The following ACOT13 variants were observed in gnomAD, a reference collection of about 807,000 sequenced individuals.
ACOT13 encodes acyl-coenzyme A thioesterase 13.
Under a neutral mutation model 11.8 loss-of-function variants are expected in ACOT13, and 10 were observed. That is an observed-to-expected ratio of 0.85 (90% confidence interval 0.53 to 1.44). ACOT13 has a LOEUF of 1.44. Among genes scored for constraint, ACOT13 ranks in the 40% most tolerant of loss-of-function variants. The probability of loss-of-function intolerance (pLI) is 0.00; values close to 1 mark genes in which losing one functional copy is unlikely to be tolerated. For missense variants in ACOT13, 172 were observed against 174.1 expected (o/e 0.99, Z 0.07); for synonymous variants, 53 against 61.0 (o/e 0.87, Z 0.61).
chr6:24,669,453 G>A (rs2127620495), intron 1 of ACOT13, among the ~76,000 whole-genome samples: 1 of 152,296 alleles, frequency 6.6e-6, no homozygotes, highest in African/African-American at 2.4e-5. Flanking sequence ...AATAGAATGG[G>A]AGGCAAGTTT....
intron 1 of ACOT13, among the ~76,000 whole-genome samples, chr6:24,683,571 G>C (rs1778587102): frequency 6.6e-6 from 1 of 150,440 alleles, no homozygotes; most frequent in Non-Finnish European, 1.5e-5. Context: ...TGCCAAGGTT[G>C]GTTCTGATGA....
rs978368356 is a variant in ACOT13, at chr6:24,679,735, T to C, written c.81+12391T>C. On this transcript the variant is annotated intron_variant, in intron 1 of 2. Transcript: ENST00000230048. Reference sequence around the variant, plus strand: ...GATCACCAAACTCTTCGGGCTGCAGTTATGGCGACACTTCTCTCATTTGGG... The same window carrying C: ...GATCACCAAACTCTTCGGGCTGCAGCTATGGCGACACTTCTCTCATTTGGG... Among the ~76,000 whole-genome samples the C allele has an allele frequency of 3.9e-5, 6 of 152,338 alleles. No homozygotes were observed. The East Asian group carries it at 9.6e-4, about 24-fold the overall frequency.
Position 24,697,910 on chromosome 6 carries a change from A to G in ACOT13, c.109A>G (p.Lys37Glu). Residue 37 changes from lysine to glutamate, a missense_variant, in exon 2 of 3, where the codon AAA (lysine) becomes GAA (glutamate). Coordinates refer to ENST00000230048, the MANE Select transcript of ACOT13 (RefSeq NM_018473.4). ...KITLVSAAPG[K>E]VICEMKVEEE... The stretch of plus-strand genomic sequence containing the variant: ...TACTCTTGTCTCTGCTGCTCCTGGG[A>G]AAGTGATTTGTGAAATGAAAGTAGA... The G allele has an allele frequency of 6.2e-7, 1 of 1,610,608 alleles. No individual in the cohort carries two copies. Among genetic ancestry groups the G allele is most frequent in the Non-Finnish European group, 8.5e-7 (1 of 1,178,714 alleles).
chr6:24,690,169 G>A (rs1211303438), intron 1 of ACOT13, among the ~76,000 whole-genome samples: 1 of 152,136 alleles, frequency 6.6e-6, no homozygotes, highest in African/African-American at 2.4e-5. Flanking sequence ...CCCTGGCCTT[G>A]ATTTGCCAGA....
chr6:24,688,539 C>CA (rs34225480), intron 1 of ACOT13, among the ~76,000 whole-genome samples: 30,592 of 82,056 alleles, frequency 0.37, 4,560 homozygotes, highest in East Asian at 0.63. Context: ...GACCCTGTCT[C>CA]AAAAAAAAAA....
At chr6:24,686,078 C>G (rs1778625824) in intron 1 of ACOT13, among the ~76,000 whole-genome samples, 1 of 151,840 alleles carries the variant, frequency 6.6e-6, no homozygotes, top group African/African-American at 2.4e-5. Context: ...GACTAAATGT[C>G]CTGCTCTTGA....
chr6:24,682,479 G>A (rs938182161), intron 1 of ACOT13, among the ~76,000 whole-genome samples: 1 of 152,168 alleles, frequency 6.6e-6, no homozygotes, highest in Admixed American at 6.5e-5. Flanking sequence ...TAGAAGACAT[G>A]GGTCACGGAA....
intron 2 of ACOT13, 86 bp downstream of exon 2, chr6:24,698,153 C>T (rs376640796): frequency 1.3e-5 from 16 of 1,185,344 alleles, no homozygotes; most frequent in South Asian, 1.0e-4. Context: ...TTATTAGTAA[C>T]GCATGAGATT....
At chr6:24,684,097 G>A (rs544738413) in intron 1 of ACOT13, among the ~76,000 whole-genome samples, 1 of 152,212 alleles carries the variant, frequency 6.6e-6, no homozygotes, top group African/African-American at 2.4e-5. Context: ...TCATGTATAG[G>A]TCCCCTCCTG....
intron 2 of ACOT13, among the ~76,000 whole-genome samples, chr6:24,700,696 A>G (rs149371398): frequency 6.2e-4 from 94 of 152,208 alleles, no homozygotes; most frequent in African/African-American, 2.0e-3. Context: ...TCGGCCTCCC[A>G]AAGTGCTGGG....
chr6:24,670,951 A>G (rs1452272849), intron 1 of ACOT13, among the ~76,000 whole-genome samples: 1 of 151,934 alleles, frequency 6.6e-6, no homozygotes, highest in Non-Finnish European at 1.5e-5. Flanking sequence ...ACCTGCATTC[A>G]AGAGGAAACA....
intron 1 of ACOT13, among the ~76,000 whole-genome samples, chr6:24,675,971 T>A (rs1330863497): frequency 6.6e-6 from 1 of 152,260 alleles, no homozygotes; most frequent in Non-Finnish European, 1.5e-5. Context: ...GCACCATTTA[T>A]TAAAAGGGAA....
rs376495400 is a variant in ACOT13, at chr6:24,697,956, T to C, written c.155T>C (p.Ile52Thr). The C allele has an allele frequency of 1.1e-5, 18 of 1,613,720 alleles. No individual in the cohort carries two copies. Among genetic ancestry groups the C allele is most frequent in the African/African-American group, 2.7e-5 (2 of 74,900 alleles). Residue 52 changes from isoleucine (I) to threonine (T), a missense_variant, in exon 2 of 3, where the codon ATA (isoleucine) becomes ACA (threonine). Coordinates refer to ENST00000230048, the MANE Select transcript of ACOT13 (RefSeq NM_018473.4). ...MKVEEEHTNA[I>T]GTLHGGLTAT... ...GTAGAAGAAGAGCATACCAATGCAATAGGCACTCTCCACGGCGGTTTGACA... is the reference window on the plus strand; with the variant it reads ...GTAGAAGAAGAGCATACCAATGCAACAGGCACTCTCCACGGCGGTTTGACA...
At chr6:24,671,074 A>G (rs988766374) in intron 1 of ACOT13, among the ~76,000 whole-genome samples, 1 of 152,154 alleles carries the variant, frequency 6.6e-6, no homozygotes, top group Non-Finnish European at 1.5e-5. Flanking sequence ...AGGATCTAGA[A>G]CTAGAAATAC....
At chr6:24,693,479 T>C (rs1016550791) in intron 1 of ACOT13, among the ~76,000 whole-genome samples, 2 of 152,078 alleles carry the variant, frequency 1.3e-5, no homozygotes, top group Admixed American at 6.5e-5. Context: ...GCAACCCTTT[T>C]AAAAAAAGAC....
intron 1 of ACOT13, among the ~76,000 whole-genome samples, chr6:24,690,764 C>CT (rs1301499118): frequency 6.6e-6 from 1 of 152,166 alleles, no homozygotes; most frequent in East Asian, 1.9e-4. Context: ...TTGGCCTTCT[C>CT]TTATAACCCT....
intron 1 of ACOT13, among the ~76,000 whole-genome samples, chr6:24,696,410 G>A (rs188941602): frequency 6.6e-6 from 1 of 152,160 alleles, no homozygotes; most frequent in Non-Finnish European, 1.5e-5. Context: ...TAAGTTCTCT[G>A]CAAAATGGAT....
At chr6:24,667,937 C>A (rs943581340) in intron 1 of ACOT13, among the ~76,000 whole-genome samples, 2 of 152,072 alleles carry the variant, frequency 1.3e-5, no homozygotes, top group Non-Finnish European at 2.9e-5. Flanking sequence ...GAGGTTTCGC[C>A]CTTGTTGCCT....
chr6:24,699,208 CT>C (rs1248890393), intron 2 of ACOT13, among the ~76,000 whole-genome samples: 1,947 of 127,088 alleles, frequency 0.015, 17 homozygotes, highest in African/African-American at 0.048. Context: ...ATAATGTAGG[CT>C]TTTTTTTTTT....
Sources: allele counts gnomAD v4.1 joint callset (sites outside exome capture counted in the v4.1 genomes callset), GRCh38; gene constraint gnomAD v4.1.1; transcripts MANE v1.5; gene names NCBI Gene and HGNC (gene_info 2026-07-23, HGNC 2026-07-21).